Variants in MAP1A observed in about 807,000 individuals in gnomAD.
The protein encoded by MAP1A is microtubule associated protein 1A.
A neutral mutation model predicts 185.9 loss-of-function variants in MAP1A; 42 were observed. The observed-to-expected ratio is 0.23, with a 90% CI of 0.18 to 0.29. MAP1A has a LOEUF of 0.29. MAP1A is among the 10% of genes least tolerant of loss of function. MAP1A has a pLI of 1.00. For missense variants in MAP1A, 2,995 were observed against 3,450.4 expected (o/e 0.87, Z 3.31); for synonymous variants, 1,229 against 1,335.9 (o/e 0.92, Z 1.74).
At chr15:43,520,944 T>G (rs751178025) in intron 2 of MAP1A, 28 bp from the exon 3 acceptor site, 87 of 1,545,122 alleles carry the variant, frequency 5.6e-5, no homozygotes, top group Non-Finnish European at 7.4e-5. Flanking sequence ...TTCCTATATC[T>G]GTGACCACTC....
exon 2 of MAP1A, chr15:43,512,275 C>T (rs1358313731): frequency 8.4e-6 from 13 of 1,543,888 alleles, no homozygotes; most frequent in Non-Finnish European, 1.1e-5. Flanking sequence ...TAGCTCACTT[C>T]TCCTCAGAGG....
chr15:43,521,055 C>T lies in MAP1A; in HGVS notation c.-208C>T. The T allele has an allele frequency of 6.5e-7, 1 of 1,550,356 alleles. No homozygotes were observed. The highest frequency in any genetic ancestry group is 1.2e-5 in the South Asian group (1 of 84,062). The stretch of plus-strand genomic sequence containing the variant: ...GTTTAGAGCCTGGGGGAGACCTCAT[C>T]CTACAGAGTGGCACCTACTCATATG... On this transcript the variant is annotated 5_prime_UTR_variant, in exon 3 of 6. Transcript: ENST00000300231. The surrounding 1 kb of genome is among the most constrained non-coding windows in gnomAD (Gnocchi z 4.6).
Position 43,524,997 on chromosome 15 carries a change from G to T in MAP1A, c.3524G>T (p.Gly1175Val). ...NQEPTPKSPC[G>V]LTEQYLHKDR... Reference sequence around the variant, plus strand: ...GAGCCTACCCCCAAGTCTCCCTGTGGCCTGACAGAACAGTACCTACACAAA... The same window carrying T: ...GAGCCTACCCCCAAGTCTCCCTGTGTCCTGACAGAACAGTACCTACACAAA... The change falls in exon 4 of 6, where the codon GGC (glycine) becomes GTC (valine). Residue 1175 changes from glycine (G) to valine (V), a missense_variant. Gly to Val is a moderately radical substitution (Grantham distance 109). Transcript: ENST00000300231. 1 of 1,614,098 alleles carries T rather than the reference G, an allele frequency of 6.2e-7. No homozygotes were observed. The highest frequency in any genetic ancestry group is 1.3e-5 in the African/African-American group (1 of 75,004).
At chr15:43,514,043 A>G (rs2079290544), upstream of MAP1A, among the ~76,000 whole-genome samples, 1 of 152,234 alleles carries the variant, frequency 6.6e-6, no homozygotes, top group Non-Finnish European at 1.5e-5. Context: ...CTTCAGATTA[A>G]GATGCAGCGA....
In MAP1A at chr15:43,520,680, C is replaced by A; in HGVS notation, c.-335C>A. 6.4e-7 allele frequency: 1 copy of A among 1,550,504 alleles called. No homozygotes were observed. The highest frequency in any genetic ancestry group is 8.7e-7 in the Non-Finnish European group (1 of 1,146,702). ...TGCCACCAGAGTGAGATCCTAGAGA[C>A]CATCATCCTGGTAAATCCCAGTGCA... On this transcript the variant is annotated 5_prime_UTR_variant, in exon 2 of 6. Coordinates refer to ENST00000300231, the MANE Select transcript of MAP1A (RefSeq NM_002373.6).
chr15:43,521,000 C>T lies in MAP1A; in HGVS notation c.-263C>T, dbSNP rs1391009287. On this transcript the variant is annotated 5_prime_UTR_variant, in exon 3 of 6. Transcript: ENST00000300231. ...CATCATCTTCTTAGCAGCTCATCAG[C>T]TTATAAACTACTAATCTTGAGTGGG... The T allele has an allele frequency of 6.5e-6, 10 of 1,550,094 alleles. No homozygotes were observed. The highest frequency in any genetic ancestry group is 1.7e-4 in the Middle Eastern group (1 of 6,014).
rs1435287135 is a variant in MAP1A, at chr15:43,526,823, G to A, written c.5350G>A (p.Glu1784Lys). ...AESPVGLPPE[E>K]EDKLTRSPFE... is the part of the protein sequence containing the mutation. ...ATCACCAGTTGGGTTGCCACCAGAG[G>A]AAGAGGACAAACTGACCCGCTCTCC... The change falls in exon 4 of 6, where the codon GAA becomes AAA. Residue 1784 changes from glutamate (E) to lysine (K), a missense_variant. This residue lies in a region of MAP1A where 2,728 missense variants were observed against 2,986.0 expected (regional missense o/e 0.91). Transcript: ENST00000300231. This position sits in a 1 kb window ranked among gnomAD's most constrained non-coding sequence, Gnocchi z 4.7. The A allele has an allele frequency of 3.1e-6, 5 of 1,614,122 alleles. No homozygotes were observed. Among genetic ancestry groups the A allele is most frequent in the Non-Finnish European group, 4.2e-6 (5 of 1,180,016 alleles).
chr15:43,528,559 A>G lies in MAP1A; in HGVS notation c.7086A>G (p.Pro2362=), dbSNP rs748379888. ...VPSEDCAANG[P]TETSPNPPGP... is the part of the protein sequence containing the mutation. Reference sequence around the variant, plus strand: ...CTGAGGATTGTGCAGCCAATGGCCCAACTGAAACCAGCCCTAACCCCCCAG... The same window carrying G: ...CTGAGGATTGTGCAGCCAATGGCCCGACTGAAACCAGCCCTAACCCCCCAG... The change falls in exon 4 of 6, where the codon CCA becomes CCG. Residue 2362 remains proline (P), a synonymous_variant. Coordinates refer to ENST00000300231, the MANE Select transcript of MAP1A (RefSeq NM_002373.6). The G allele has an allele frequency of 1.9e-5, 30 of 1,613,594 alleles. No homozygotes were observed. Among genetic ancestry groups the G allele is most frequent in the African/African-American group, 2.7e-5 (2 of 74,924 alleles).
rs376325123 is a variant in MAP1A, at chr15:43,527,561, A to G, written c.6088A>G (p.Thr2030Ala). The change falls in exon 4 of 6, where the codon ACT becomes GCT. Residue 2030 changes from threonine to alanine, a missense_variant. This residue lies in a region of MAP1A where 2,728 missense variants were observed against 2,986.0 expected (regional missense o/e 0.91). Coordinates refer to ENST00000300231, the MANE Select transcript of MAP1A (RefSeq NM_002373.6). ...PISPKSLQSD[T>A]PTFSYAALAG... ...CTCACCCAAGAGCCTCCAGTCTGAC[A>G]CTCCAACCTTCAGCTATGCAGCCCT... The G allele has an allele frequency of 1.2e-5, 20 of 1,613,770 alleles. No individual in the cohort carries two copies. The Middle Eastern group carries it at 9.9e-4, about 80-fold the overall frequency.
At chr15:43,513,500 T>C (rs1490509638), upstream of MAP1A, among the ~76,000 whole-genome samples, 2 of 152,236 alleles carry the variant, frequency 1.3e-5, no homozygotes, top group Admixed American at 6.5e-5. Flanking sequence ...CTCAGTATAG[T>C]AGTCACCTTT....
rs2079361298 is a variant in MAP1A, at chr15:43,529,304, G to A, written c.7831G>A (p.Gly2611Ser). Residue 2611 changes from glycine (G) to serine (S), a missense_variant, in exon 4 of 6, where the codon GGC becomes AGC. Coordinates refer to ENST00000300231, the MANE Select transcript of MAP1A (RefSeq NM_002373.6). This position sits in a 1 kb window ranked among gnomAD's most constrained non-coding sequence, Gnocchi z 4.3. ...GGGGCGAGTAGGGCGCAGGGCCCCA[G>A]GCAAGGCCAAGCCAGCGTCCCCTGC... ...VQGRVGRRAP[G>S]KAKPASPARR... 6.2e-7 allele frequency: 1 copy of A among 1,613,892 alleles called. No homozygotes were observed. Among genetic ancestry groups the A allele is most frequent in the Admixed American group, 1.7e-5 (1 of 60,000 alleles).
At chr15:43,516,810 C>T (rs1259500699), upstream of MAP1A, among the ~76,000 whole-genome samples, 2 of 152,198 alleles carry the variant, frequency 1.3e-5, no homozygotes, top group African/African-American at 4.8e-5. Context: ...TTGCTTGGGC[C>T]GGAGGCCCTG....
Position 43,525,644 on chromosome 15 carries a change from G to A in MAP1A, c.4171G>A (p.Asp1391Asn). The change falls in exon 4 of 6, where the codon GAT becomes AAT. Residue 1391 changes from aspartate to asparagine, a missense_variant. Asp to Asn is a conservative substitution (Grantham distance 23, BLOSUM62 1). Coordinates refer to ENST00000300231, the MANE Select transcript of MAP1A (RefSeq NM_002373.6). Reference protein sequence around the residue: ...EPKDTAIYQKDEALHVKNEAV... With the variant: ...EPKDTAIYQKNEALHVKNEAV... ...GAAGGATACAGCCATCTATCAGAAA[G>A]ATGAGGCTCTGCATGTAAAGAATGA... 6.2e-7 allele frequency: 1 copy of A among 1,614,196 alleles called. No homozygotes were observed. Among genetic ancestry groups the A allele is most frequent in the Non-Finnish European group, 8.5e-7 (1 of 1,180,038 alleles).
chr15:43,511,578 G>C (rs1470854527), intron 1 of MAP1A, among the ~76,000 whole-genome samples: 1 of 152,204 alleles, frequency 6.6e-6, no homozygotes, highest in East Asian at 1.9e-4. Flanking sequence ...CTATCTTGCT[G>C]TATCTTCTTT....
intron 1 of MAP1A, among the ~76,000 whole-genome samples, chr15:43,518,708 A>ACCCCCCCCCC (rs34711237): frequency 8.4e-5 from 7 of 83,630 alleles, no homozygotes; most frequent in African/African-American, 1.4e-4. Flanking sequence ...ACCGCAGCCC[A>ACCCCCCCCCC]CCCCCCCCCG....
At chr15:43,511,352 T>C in intron 1 of MAP1A, 1 of 705,280 alleles carries the variant, frequency 1.4e-6, no homozygotes, top group Non-Finnish European at 2.4e-6. Flanking sequence ...ATCTGCGCCC[T>C]TGTCACCTGC....
In MAP1A at chr15:43,523,635, G is replaced by A. The variant is rs762340631; in HGVS notation, c.2162G>A (p.Ser721Asn). The change falls in exon 4 of 6, where the codon AGC becomes AAC. Residue 721 changes from serine to asparagine, a missense_variant. Physicochemically the swap from Ser to Asn is conservative, Grantham distance 46 (BLOSUM62 1). This residue lies in a region of MAP1A where 2,728 missense variants were observed against 2,986.0 expected (regional missense o/e 0.91). Transcript: ENST00000300231. ...AAGGAGACCTCGTTATTCCTAAGCAGCCTGACCACACCTGCAGGAGCCACT... is the reference window on the plus strand; with the variant it reads ...AAGGAGACCTCGTTATTCCTAAGCAACCTGACCACACCTGCAGGAGCCACT... ...PEKETSLFLS[S>N]LTTPAGATEH... 6.2e-7 allele frequency: 1 copy of A among 1,614,046 alleles called. No individual in the cohort carries two copies. Among genetic ancestry groups the A allele is most frequent in the Admixed American group, 1.7e-5 (1 of 60,014 alleles).
In MAP1A at chr15:43,524,850, C is replaced by T; in HGVS notation, c.3377C>T (p.Pro1126Leu). 6.2e-7 allele frequency: 1 copy of T among 1,614,096 alleles called. No individual in the cohort carries two copies. The highest frequency in any genetic ancestry group is 1.1e-5 in the South Asian group (1 of 91,076). The change falls in exon 4 of 6, where the codon CCC (proline) becomes CTC (leucine). Residue 1126 changes from proline (P) to leucine (L), a missense_variant. By Grantham distance (98) the Pro-to-Leu change is moderately conservative (BLOSUM62 -3). Transcript: ENST00000300231. The stretch of plus-strand genomic sequence containing the variant: ...CTTCCCGGAGGTTTGAGGACTTTAC[C>T]CCAAGAACCTGGCAAACCTCAGAAA... The part of the protein sequence containing the change: ...EALPGGLRTL[P>L]QEPGKPQKDE...
At chr15:43,513,748 C>A (rs79410720), upstream of MAP1A, among the ~76,000 whole-genome samples, 1,247 of 152,322 alleles carry the variant, frequency 8.2e-3, 19 homozygotes, top group African/African-American at 0.028. Context: ...GAGAATGTTT[C>A]TGTTTAGAAT....
Sources: allele counts gnomAD v4.1 joint callset (sites outside exome capture counted in the v4.1 genomes callset), GRCh38; gene constraint gnomAD v4.1.1; regional missense constraint gnomAD v4.1.1; non-coding constraint Gnocchi (gnomAD v3.1); transcripts MANE v1.5; gene names NCBI Gene and HGNC (gene_info 2026-07-23, HGNC 2026-07-21).